The following GRM8 variants were observed in gnomAD, a reference collection of about 807,000 sequenced individuals.
GRM8 encodes metabotropic glutamate receptor 8.
GRM8 carries 47 observed loss-of-function variants against 87.2 expected under a neutral mutation model. The ratio of observed to expected loss-of-function variants is 0.54; its 90% CI spans 0.43 to 0.69. The LOEUF (loss-of-function observed/expected upper bound fraction) is 0.69. Among genes scored for constraint, GRM8 ranks in the 30% least tolerant of loss-of-function variants. GRM8 has a pLI of 0.00. For missense variants in GRM8, 1,019 were observed against 1,139.2 expected (o/e 0.89, Z 1.52); for synonymous variants, 396 against 404.5 (o/e 0.98, Z 0.25).
rs139809692 is a variant in GRM8, at chr7:126,938,445, G to C, written c.728-33762C>G. 4.0e-3 allele frequency among the ~76,000 whole-genome samples: 609 copies of C among 152,248 alleles called. 5 individuals are homozygous for C. Among genetic ancestry groups the C allele is most frequent in the African/African-American group, 0.014 (580 of 41,550 alleles). ...CAAACCTGTACCCTAATTAATATAGGAGAAAATTGGAAAGCAAAGTGGTTT... is the reference window on the plus strand; with the variant it reads ...CAAACCTGTACCCTAATTAATATAGCAGAAAATTGGAAAGCAAAGTGGTTT... On this transcript the variant is annotated intron_variant, in intron 3 of 10. Coordinates refer to ENST00000339582, the MANE Select transcript of GRM8 (RefSeq NM_000845.3).
intron 8 of GRM8, among the ~76,000 whole-genome samples, chr7:126,572,975 A>G (rs1006891008): frequency 3.3e-5 from 5 of 152,316 alleles, no homozygotes; most frequent in African/African-American, 1.2e-4. Context: ...TGATGATTGG[A>G]AACAACATTA....
chr7:126,599,014 A>T (rs1797476375), intron 8 of GRM8, among the ~76,000 whole-genome samples: 1 of 152,132 alleles, frequency 6.6e-6, no homozygotes, highest in Admixed American at 6.6e-5. Context: ...TGTACTTAAC[A>T]ACCTGCATTA....
At chr7:127,234,922 A>G (rs1797895211) in intron 2 of GRM8, among the ~76,000 whole-genome samples, 1 of 152,162 alleles carries the variant, frequency 6.6e-6, no homozygotes, top group Non-Finnish European at 1.5e-5. Context: ...TGTGCTGTGA[A>G]CCTAAAACTG....
chr7:126,567,217 T>C (rs2150975473), intron 8 of GRM8, among the ~76,000 whole-genome samples: 1 of 152,210 alleles, frequency 6.6e-6, no homozygotes, highest in South Asian at 2.1e-4. Flanking sequence ...CTTAAAAATT[T>C]GTTAAGGGGA....
intron 3 of GRM8, among the ~76,000 whole-genome samples, chr7:127,072,193 C>T (rs926894262): frequency 1.3e-5 from 2 of 152,128 alleles, no homozygotes; most frequent in African/African-American, 4.8e-5. Flanking sequence ...ACCCAACTAC[C>T]CTGTAGTCTC....
intron 2 of GRM8, among the ~76,000 whole-genome samples, chr7:127,197,904 G>A (rs894717617): frequency 3.3e-5 from 5 of 151,950 alleles, no homozygotes; most frequent in South Asian, 2.1e-4. Context: ...ACCCAGTGCC[G>A]TTTCTTTAGC....
chr7:126,632,811 T>C (rs1315448162), intron 7 of GRM8, among the ~76,000 whole-genome samples: 1 of 152,030 alleles, frequency 6.6e-6, no homozygotes, highest in Non-Finnish European at 1.5e-5. Context: ...ATGTTCTTAC[T>C]TATAGGTAGG....
intron 6 of GRM8, among the ~76,000 whole-genome samples, chr7:126,856,608 C>T (rs116757823): frequency 0.02 from 3,053 of 152,148 alleles, 111 homozygotes; most frequent in African/African-American, 0.07. Flanking sequence ...ATATCTAGTC[C>T]CATGATGTAG....
chr7:126,613,728 A>G (rs547137524), intron 7 of GRM8, among the ~76,000 whole-genome samples: 1 of 152,346 alleles, frequency 6.6e-6, no homozygotes, highest in East Asian at 1.9e-4. Flanking sequence ...CCAGGAGATT[A>G]TATCCCACAC....
intron 7 of GRM8, among the ~76,000 whole-genome samples, chr7:126,700,580 G>A (rs1464234356): frequency 1.3e-5 from 2 of 151,990 alleles, no homozygotes; most frequent in African/African-American, 4.8e-5. Flanking sequence ...GTATTTTAAA[G>A]TTTAATATTT....
intron 3 of GRM8, among the ~76,000 whole-genome samples, chr7:126,917,159 G>C (rs1240118236): frequency 6.6e-6 from 1 of 151,950 alleles, no homozygotes; most frequent in Non-Finnish European, 1.5e-5. Flanking sequence ...TGTTTTTTGT[G>C]GAGATAGGGG....
At chr7:126,594,232 C>T (rs1398786165) in intron 8 of GRM8, among the ~76,000 whole-genome samples, 1 of 151,952 alleles carries the variant, frequency 6.6e-6, no homozygotes, top group Non-Finnish European at 1.5e-5. Context: ...CCATCTCCTA[C>T]TCGATATATA....
chr7:126,724,112 C>T (rs1353405368), intron 7 of GRM8, among the ~76,000 whole-genome samples: 1 of 152,068 alleles, frequency 6.6e-6, no homozygotes, highest in Admixed American at 6.6e-5. Context: ...TTGAGTCCTC[C>T]TCTCAAGGCT....
intron 7 of GRM8, among the ~76,000 whole-genome samples, chr7:126,725,105 G>T (rs1376694891): frequency 1.3e-5 from 2 of 152,180 alleles, no homozygotes; most frequent in Admixed American, 6.5e-5. Flanking sequence ...CAAGTTATCA[G>T]CAGACAGGTA....
intron 9 of GRM8, among the ~76,000 whole-genome samples, chr7:126,519,139 T>C (rs976003475): frequency 2.6e-5 from 4 of 151,918 alleles, no homozygotes; most frequent in African/African-American, 9.7e-5. Flanking sequence ...GAAGTGAGAG[T>C]TGGGAAGAAT....
intron 2 of GRM8, among the ~76,000 whole-genome samples, chr7:127,227,644 A>G (rs1338316155): frequency 1.3e-5 from 2 of 152,202 alleles, no homozygotes; most frequent in Non-Finnish European, 1.5e-5. Flanking sequence ...GCTTCAAAAT[A>G]GAATTTTGGA....
intron 3 of GRM8, among the ~76,000 whole-genome samples, chr7:127,058,537 G>GA (rs200831422): frequency 9.3e-5 from 14 of 149,904 alleles, no homozygotes; most frequent in East Asian, 3.9e-4. Context: ...TTAGGCTGGT[G>GA]AAAAAAAAAA....
Position 126,899,104 on chromosome 7 carries a change from A to AGTGTGTGTGTGTGTGTGTGTGT in GRM8, c.1156+3416_1156+3437dup, listed in dbSNP as rs71177573. On this transcript the variant is annotated intron_variant, in intron 6 of 10. Transcript: ENST00000339582. ...TTAAAAAGTTATGTGACTGGTTAAC[A>AGTGTGTGTGTGTGTGTGTGTGT]GTGTGTGTGTGTGTGTGTGTGTGTG... 4.1e-3 allele frequency among the ~76,000 whole-genome samples: 572 copies of AGTGTGTGTGTGTGTGTGTGTGT among 140,360 alleles called. 6 individuals are homozygous for AGTGTGTGTGTGTGTGTGTGTGT. The highest frequency in any genetic ancestry group is 0.012 in the African/African-American group (453 of 37,294). 92.1% of individuals were successfully genotyped at this position (140,360 alleles called of 152,430 possible).
intron 3 of GRM8, among the ~76,000 whole-genome samples, chr7:127,097,583 T>C (rs996878703): frequency 6.6e-6 from 1 of 152,240 alleles, no homozygotes; most frequent in African/African-American, 2.4e-5. Flanking sequence ...AGCTTTGTTA[T>C]GCCTTTTGGG....
Sources: gnomAD v4.1 joint callset for allele counts (sites outside exome capture counted in the v4.1 genomes callset) on GRCh38, gnomAD v4.1.1 for gene constraint, MANE v1.5 for transcripts, NCBI Gene and HGNC (gene_info 2026-07-23, HGNC 2026-07-21) for gene names.